L2HGDH: variants seen among roughly 807,000 people sequenced by gnomAD.
L2HGDH encodes the protein L-2-hydroxyglutarate dehydrogenase.
Under a neutral mutation model 51.5 loss-of-function variants are expected in L2HGDH, and 34 were observed. The ratio of observed to expected loss-of-function variants is 0.66; its 90% confidence interval spans 0.50 to 0.88. L2HGDH has a LOEUF of 0.88. Among genes scored for constraint, L2HGDH ranks in the 40% least tolerant of loss-of-function variants. The pLI is 0.00. For missense variants in L2HGDH, 558 were observed against 571.9 expected, an observed-to-expected ratio of 0.98 and a Z score of 0.25; for synonymous variants, 198 against 197.9, an observed-to-expected ratio of 1.00 and a Z score of -0.01.
chr14:50,246,134 T>A lies in L2HGDH; in HGVS notation c.*924A>T, dbSNP rs6572652. 127,631 of 149,874 alleles carry A rather than the reference T, an allele frequency of 0.85. 54,202 individuals are homozygous for A. Among genetic ancestry groups the A allele is most frequent in the East Asian group, 0.91 (4,664 of 5,136 alleles). 9.3% of individuals were successfully genotyped at this position (149,874 alleles called of 1,614,324 possible). A position where few individuals can be genotyped will look rare whatever the true frequency, so the allele number is the denominator to read the frequency against. On this transcript the variant is annotated 3_prime_UTR_variant, in exon 10 of 10. Transcript: ENST00000267436. ...GTGAAACTCCGTCTGAAAAAAAAAA[T>A]AAATAAAAGTCAGGGATTCGGACAG...
In L2HGDH at chr14:50,247,222, C is replaced by G; in HGVS notation, c.1228G>C (p.Asp410His). ...GPAGVRAQAL[D>H]RDGNLVEDFV... ...TCTTCTACCAGATTTCCATCTCTAT[C>G]CAGGGCCTGGGCTCTTACTCCAGCT... Residue 410 changes from aspartate to histidine, a missense_variant, in exon 10 of 10, where the codon GAT becomes CAT. Coordinates refer to ENST00000267436, the MANE Select transcript of L2HGDH (RefSeq NM_024884.3). The G allele has an allele frequency of 1.2e-6, 2 of 1,614,030 alleles. No homozygotes were observed.
At chr14:50,261,575 T>C (rs1889025648) in intron 9 of L2HGDH, among the ~76,000 whole-genome samples, 1 of 152,134 alleles carries the variant, frequency 6.6e-6, no homozygotes, top group South Asian at 2.1e-4. Context: ...TTCAGCATCC[T>C]GGGCTCAAGG....
At chr14:50,262,845 C>G (rs1369530924) in intron 9 of L2HGDH, among the ~76,000 whole-genome samples, 1 of 151,848 alleles carries the variant, frequency 6.6e-6, no homozygotes, top group Non-Finnish European at 1.5e-5. Context: ...AGAGACGAAG[C>G]AAATGGAATT....
intron 1 of L2HGDH, among the ~76,000 whole-genome samples, 178 bp from the exon 2 acceptor site, chr14:50,303,195 G>C (rs1249016153): frequency 1.3e-5 from 2 of 152,114 alleles, no homozygotes; most frequent in Admixed American, 6.5e-5. Flanking sequence ...TGGCCGAGGG[G>C]GGCGGATCAC....
At chr14:50,266,692 A>G (rs1322904158) in intron 8 of L2HGDH, among the ~76,000 whole-genome samples, 1 of 152,200 alleles carries the variant, frequency 6.6e-6, no homozygotes, top group African/African-American at 2.4e-5. Context: ...ACATATGTAT[A>G]TATTTTTACA....
intron 1 of L2HGDH, among the ~76,000 whole-genome samples, chr14:50,310,882 A>ACTT (rs747939317): frequency 6.6e-6 from 1 of 150,950 alleles, no homozygotes; most frequent in South Asian, 2.1e-4. Flanking sequence ...GCCAGAGTCA[A>ACTT]CTTTTAGAAC....
intron 9 of L2HGDH, among the ~76,000 whole-genome samples, chr14:50,259,297 C>T (rs574282348): frequency 6.6e-6 from 1 of 151,666 alleles, no homozygotes; most frequent in Admixed American, 6.6e-5. Context: ...TAAAGCAAAT[C>T]CCAGATGGCA....
chr14:50,280,445 G>A (rs1202955031), intron 5 of L2HGDH, among the ~76,000 whole-genome samples: 2 of 152,116 alleles, frequency 1.3e-5, no homozygotes, highest in African/African-American at 4.8e-5. Flanking sequence ...GATTACAGGC[G>A]TGAGCCAACG....
chr14:50,275,468 C>G (rs1324431140), intron 6 of L2HGDH, among the ~76,000 whole-genome samples: 1 of 152,196 alleles, frequency 6.6e-6, no homozygotes, highest in Non-Finnish European at 1.5e-5. Context: ...CCAAAGCCAC[C>G]ATGTGTGAAC....
chr14:50,308,388 G>GAAA (rs71118865), intron 1 of L2HGDH, among the ~76,000 whole-genome samples: 1 of 131,522 alleles, frequency 7.6e-6, no homozygotes, highest in African/African-American at 2.7e-5. Context: ...CTCCATCTCA[G>GAAA]AAAAAAAAAA....
intron 9 of L2HGDH, among the ~76,000 whole-genome samples, chr14:50,256,932 TGTCTTATTTTATTTTATTTTTGAGACGGA>T (rs1308466425): frequency 6.6e-6 from 1 of 152,078 alleles, no homozygotes; most frequent in Non-Finnish European, 1.5e-5. Flanking sequence ...TTCTTTTCCA[TGTCTTATTTTATTTTATTTTTGAGACGGA>T]GTCTCACTCT....
chr14:50,285,660 G>A (rs1890527776), intron 4 of L2HGDH, among the ~76,000 whole-genome samples: 1 of 152,198 alleles, frequency 6.6e-6, no homozygotes, highest in East Asian at 1.9e-4. Context: ...CTGTAAAAGT[G>A]CTTAATTCTC....
chr14:50,283,681 C>T (rs1051096188), intron 5 of L2HGDH, among the ~76,000 whole-genome samples, 190 bp downstream of exon 5: 2 of 152,052 alleles, frequency 1.3e-5, no homozygotes, highest in East Asian at 1.9e-4. Context: ...CTTATAACAC[C>T]GAATGCAATG....
At chr14:50,296,190 A>G (rs548079619) in intron 3 of L2HGDH, among the ~76,000 whole-genome samples, 1 of 151,950 alleles carries the variant, frequency 6.6e-6, no homozygotes, top group African/African-American at 2.4e-5. Flanking sequence ...TGGGCAACAT[A>G]GCAAAACCTG....
chr14:50,304,643 G>T (rs1258773575), intron 1 of L2HGDH, among the ~76,000 whole-genome samples: 1 of 152,182 alleles, frequency 6.6e-6, no homozygotes, highest in Admixed American at 6.5e-5. Context: ...AGACCATCCT[G>T]ACTAACACGG....
In L2HGDH at chr14:50,259,366, G is replaced by GTTTTTTTTTTTTTTTTTTTTTTT. The variant is rs34041934; in HGVS notation, c.1196+5991_1196+5992insAAAAAAAAAAAAAAAAAAAAAAA. Among the ~76,000 whole-genome samples the GTTTTTTTTTTTTTTTTTTTTTTT allele has an allele frequency of 1.5e-5, 2 of 130,696 alleles. 1 individual carries two copies. 85.7% of individuals were successfully genotyped at this position (130,696 alleles called of 152,430 possible). On this transcript the variant is annotated intron_variant, in intron 9 of 9. Transcript: ENST00000267436. ...TTCTTTCTGTTTTTTTTCTTTTTCG[G>GTTTTTTTTTTTTTTTTTTTTTTT]TTTTTTTTTTTTTTTTTTCAGAAAT... is the stretch of plus-strand genomic sequence containing the variant.
At chr14:50,298,625 G>C (rs1296061607) in intron 3 of L2HGDH, among the ~76,000 whole-genome samples, 1 of 152,158 alleles carries the variant, frequency 6.6e-6, no homozygotes, top group Non-Finnish European at 1.5e-5. Flanking sequence ...GGAGGTCAAG[G>C]CTGCAGTGAT....
In L2HGDH at chr14:50,242,909, C is replaced by A; in HGVS notation, c.*4149G>T. ...TCCTTAAACAATATAGACACCATGT[C>A]TCCTGTGTTTACAGGGATAGCTCAT... On this transcript the variant is annotated 3_prime_UTR_variant, in exon 10 of 10. Transcript: ENST00000267436. 2.0e-6 allele frequency: 2 copies of A among 985,476 alleles called. No homozygotes were observed. The highest frequency in any genetic ancestry group is 1.2e-6 in the Non-Finnish European group (1 of 829,944). 61.0% of individuals were successfully genotyped at this position (985,476 alleles called of 1,614,324 possible). A position where few individuals can be genotyped will look rare whatever the true frequency, so the allele number is the denominator to read the frequency against.
intron 9 of L2HGDH, among the ~76,000 whole-genome samples, chr14:50,252,126 CAAAGTT>C (rs1888394861): frequency 6.6e-6 from 1 of 150,736 alleles, no homozygotes. Flanking sequence ...AGCCAAGGAA[CAAAGTT>C]AAAGTGTAGA....
Sources: gnomAD v4.1 joint callset for allele counts (sites outside exome capture counted in the v4.1 genomes callset) on GRCh38, gnomAD v4.1.1 for gene constraint, MANE v1.5 for transcripts, NCBI Gene and HGNC (gene_info 2026-07-23, HGNC 2026-07-21) for gene names.